GLRB: variants seen among roughly 807,000 people sequenced by gnomAD.
GLRB encodes glycine receptor beta, also known as glycine receptor subunit beta.
Under a neutral mutation model 54.2 loss-of-function variants are expected in GLRB, and 33 were observed. That is an observed-to-expected ratio of 0.61 (90% CI 0.46 to 0.81). The LOEUF is 0.81. Among genes scored for constraint, GLRB ranks in the 40% least tolerant of loss-of-function variants. The pLI is 0.00. For synonymous variants in GLRB, 209 were observed against 208.2 expected (o/e 1.00, Z -0.03); for missense variants, 572 against 584.6 (o/e 0.98, Z 0.22).
Position 157,152,804 on chromosome 4 carries a change from G to T in GLRB, c.991G>T (p.Val331Phe), listed in dbSNP as rs528431063. Residue 331 changes from valine to phenylalanine, a missense_variant, in exon 9 of 10, where the codon GTT becomes TTT. Val to Phe is a conservative substitution (Grantham distance 50). Coordinates refer to ENST00000264428, the MANE Select transcript of GLRB (RefSeq NM_000824.5). ...PKVSYVKALDVWLIACLLFGF... is the reference protein window; with the variant it reads ...PKVSYVKALDFWLIACLLFGF... ...AGTTTCCTATGTGAAGGCTCTTGAT[G>T]TTTGGCTTATTGCTTGCCTTCTCTT... is the stretch of plus-strand genomic sequence containing the variant. 11 of 1,613,984 alleles carry T rather than the reference G, an allele frequency of 6.8e-6. No individual in the cohort carries two copies. Among genetic ancestry groups the T allele is most frequent in the Non-Finnish European group, 9.3e-6 (11 of 1,179,912 alleles).
intron 4 of GLRB, among the ~76,000 whole-genome samples, chr4:157,124,299 T>C (rs1735936728): frequency 1.3e-5 from 2 of 151,790 alleles, no homozygotes; most frequent in Non-Finnish European, 2.9e-5. Flanking sequence ...GAAATTTTCA[T>C]GGCTATTCTC....
At chr4:157,111,405 C>A (rs1332268469) in intron 2 of GLRB, among the ~76,000 whole-genome samples, 1 of 151,948 alleles carries the variant, frequency 6.6e-6, no homozygotes, top group African/African-American at 2.4e-5. Context: ...AGTCTCTCTG[C>A]TAGTATGTGC....
chr4:157,156,983 C>A (rs755758177), intron 9 of GLRB, among the ~76,000 whole-genome samples: 2 of 152,116 alleles, frequency 1.3e-5, no homozygotes, highest in Non-Finnish European at 2.9e-5. Context: ...TACTTCCAAG[C>A]GGAGGTACAA....
chr4:157,103,520 G>C (rs762381627), intron 2 of GLRB, among the ~76,000 whole-genome samples: 1 of 152,166 alleles, frequency 6.6e-6, no homozygotes, highest in Non-Finnish European at 1.5e-5. Context: ...TTGTTTGGCT[G>C]TTTGGGATAC....
intron 4 of GLRB, among the ~76,000 whole-genome samples, chr4:157,124,149 T>C (rs1735930850): frequency 6.6e-6 from 1 of 151,752 alleles, no homozygotes; most frequent in African/African-American, 2.4e-5. Context: ...TCATCATTTC[T>C]AATATCCTCT....
intron 2 of GLRB, among the ~76,000 whole-genome samples, chr4:157,095,148 A>G (rs1432156992): frequency 6.6e-6 from 1 of 152,104 alleles, no homozygotes; most frequent in Non-Finnish European, 1.5e-5. Context: ...CAAAATTTCT[A>G]TGGCAGGCTT....
intron 8 of GLRB, among the ~76,000 whole-genome samples, chr4:157,147,406 A>G (rs12054486): frequency 0.14 from 21,697 of 152,136 alleles, 1,738 homozygotes; most frequent in East Asian, 0.29. Context: ...GTGTCCATGG[A>G]CAGTTTCTTT....
intron 8 of GLRB, among the ~76,000 whole-genome samples, chr4:157,150,738 T>C (rs1268691807): frequency 6.6e-6 from 1 of 152,064 alleles, no homozygotes; most frequent in African/African-American, 2.4e-5. Flanking sequence ...ACGGAAATTC[T>C]TCCAGTCATC....
At chr4:157,114,724 A>T (rs1284159357) in intron 2 of GLRB, among the ~76,000 whole-genome samples, 3 of 151,754 alleles carry the variant, frequency 2.0e-5, no homozygotes, top group Non-Finnish European at 4.4e-5. Flanking sequence ...TATTTTGTGG[A>T]TGTCCTTCAG....
At chr4:157,146,142 G>A (rs1231939111) in intron 8 of GLRB, among the ~76,000 whole-genome samples, 4 of 151,534 alleles carry the variant, frequency 2.6e-5, no homozygotes, top group East Asian at 2.0e-4. Context: ...TCAGCCTCCC[G>A]AATAGCTGGG....
At chr4:157,101,430 CT>C (rs1015872697) in intron 2 of GLRB, among the ~76,000 whole-genome samples, 26 of 151,994 alleles carry the variant, frequency 1.7e-4, no homozygotes, top group African/African-American at 6.3e-4. Context: ...CAGTTTTTAA[CT>C]TGAAACTTTT....
At chr4:157,154,487 G>A (rs1295918936) in intron 9 of GLRB, among the ~76,000 whole-genome samples, 1 of 145,370 alleles carries the variant, frequency 6.9e-6, no homozygotes, top group Non-Finnish European at 1.5e-5. Context: ...GAGTGCAATG[G>A]CGTGATCTCG....
At chr4:157,129,393 A>G (rs1310647799) in intron 4 of GLRB, among the ~76,000 whole-genome samples, 1 of 151,828 alleles carries the variant, frequency 6.6e-6, no homozygotes, top group African/African-American at 2.4e-5. Flanking sequence ...TGAAATGCCA[A>G]TAACTAGTAA....
chr4:157,102,815 C>T (rs543323231), intron 2 of GLRB, among the ~76,000 whole-genome samples: 81 of 152,252 alleles, frequency 5.3e-4, no homozygotes, highest in African/African-American at 1.8e-3. Flanking sequence ...ATCCCATGTT[C>T]ACCTTGGGGC....
intron 9 of GLRB, among the ~76,000 whole-genome samples, chr4:157,168,187 T>G (rs1236690893): frequency 6.6e-6 from 1 of 152,038 alleles, no homozygotes; most frequent in African/African-American, 2.4e-5. Flanking sequence ...CTGTCCGTAC[T>G]TCTTGATGCC....
chr4:157,127,104 T>A (rs1258433407), intron 4 of GLRB, among the ~76,000 whole-genome samples: 6 of 151,810 alleles, frequency 4.0e-5, no homozygotes, highest in Non-Finnish European at 8.8e-5. Context: ...TGATTCTAGT[T>A]CTTGGTAATT....
chr4:157,128,591 T>C (rs1736101406), intron 4 of GLRB, among the ~76,000 whole-genome samples: 1 of 151,844 alleles, frequency 6.6e-6, no homozygotes, highest in Non-Finnish European at 1.5e-5. Context: ...CTCTATTCTT[T>C]ATGGGGTTTC....
intron 2 of GLRB, among the ~76,000 whole-genome samples, chr4:157,106,616 A>G (rs1735235760): frequency 6.6e-6 from 1 of 151,858 alleles, no homozygotes; most frequent in Non-Finnish European, 1.5e-5. Context: ...AGCTAGGACA[A>G]CCTTTTCTCT....
chr4:157,120,682 A>T lies in GLRB; in HGVS notation c.229+20A>T, dbSNP rs1289160643. On this transcript the variant is annotated intron_variant, in intron 3 of 9. Coordinates refer to ENST00000264428, the MANE Select transcript of GLRB (RefSeq NM_000824.5). ...TCAAAGGTTTGTCTCCCCCATATAA[A>T]TGTTCATTTTTATTGTTTAAAAATT... 1 of 1,126,652 alleles carries T rather than the reference A, an allele frequency of 8.9e-7. No individual in the cohort carries two copies. Among genetic ancestry groups the T allele is most frequent in the Middle Eastern group, 2.0e-4 (1 of 4,966 alleles). The allele number at this position is 1,126,652 out of a possible 1,614,324, so 69.8% of individuals were successfully genotyped here.
Sources: allele counts gnomAD v4.1 joint callset (sites outside exome capture counted in the v4.1 genomes callset), GRCh38; gene constraint gnomAD v4.1.1; transcripts MANE v1.5; gene names NCBI Gene and HGNC (gene_info 2026-07-23, HGNC 2026-07-21).